The following LGI1 variants were observed in gnomAD, a reference collection of about 807,000 sequenced individuals.
LGI1 encodes leucine-rich glioma-inactivated protein 1.
In LGI1, 11 loss-of-function variants were observed where a neutral mutation model predicts 57.7. The ratio of observed to expected loss-of-function variants is 0.19; its 90% CI spans 0.12 to 0.32. The LOEUF (loss-of-function observed/expected upper bound fraction) is 0.32, where lower values mean the gene tolerates loss of function less well. Among genes scored for constraint, LGI1 ranks in the 10% least tolerant of loss-of-function variants. The pLI is 1.00. For synonymous variants in LGI1, 222 were observed against 241.9 expected (o/e 0.92, Z 0.76); for missense variants, 422 against 661.9 (o/e 0.64, Z 3.98).
At chr10:93,772,350 T>C (rs2059749635) in intron 2 of LGI1, among the ~76,000 whole-genome samples, 1 of 152,140 alleles carries the variant, frequency 6.6e-6, no homozygotes, top group South Asian at 2.1e-4. Flanking sequence ...AATCTAATAA[T>C]GGTACTTTTA....
chr10:93,762,292 G>A (rs1226575250), intron 2 of LGI1, among the ~76,000 whole-genome samples: 2 of 152,096 alleles, frequency 1.3e-5, no homozygotes, highest in Non-Finnish European at 1.5e-5. Context: ...GGGGAATAGC[G>A]TTATTTTAAA....
At position 93,758,126 on chromosome 10, in the gene LGI1, G is replaced by C; in HGVS notation, c.-19G>C. On this transcript the variant is annotated 5_prime_UTR_variant, in exon 1 of 8. Transcript: ENST00000371418. This position sits in a 1 kb window ranked among gnomAD's most constrained non-coding sequence, Gnocchi z 4.7. ...ATTCCAGAAGCCCTGTTCATGGTTG[G>C]GGATATTTTCTCGACTGCATGGAAT... 6.2e-7 allele frequency: 1 copy of C among 1,609,558 alleles called. No homozygotes were observed. Among genetic ancestry groups the C allele is most frequent in the Non-Finnish European group, 8.5e-7 (1 of 1,175,970 alleles).
rs562887957 is a variant in LGI1, at chr10:93,789,763, A to G, written c.432-336A>G. ...GTGGCGGGCACATGTAATCCCAGCTACGGCAGGCTAAGGCAGGAAAATCAC... is the reference window on the plus strand; with the variant it reads ...GTGGCGGGCACATGTAATCCCAGCTGCGGCAGGCTAAGGCAGGAAAATCAC... On this transcript the variant is annotated intron_variant, in intron 4 of 7. Coordinates refer to ENST00000371418, the MANE Select transcript of LGI1 (RefSeq NM_005097.4). The G allele has an allele frequency of 4.5e-4, 110 of 244,072 alleles. 1 individual carries two copies. In the South Asian group the frequency reaches 7.8e-3, roughly 17 times the overall value. The allele number at this position is 244,072 out of a possible 1,614,324, so 15.1% of individuals were successfully genotyped here.
intron 7 of LGI1, among the ~76,000 whole-genome samples, chr10:93,793,660 G>T (rs2059954547): frequency 6.6e-6 from 1 of 152,140 alleles, no homozygotes; most frequent in Admixed American, 6.5e-5. Context: ...AGTATTGGAT[G>T]GTGAATCATG....
intron 2 of LGI1, chr10:93,762,795 A>G (rs1056944408): frequency 6.6e-6 from 1 of 152,174 alleles, no homozygotes; most frequent in African/African-American, 2.4e-5. Flanking sequence ...ATTTTATTTT[A>G]GATTCGAGGG....
chr10:93,758,575 A>T lies in LGI1; in HGVS notation c.216-185A>T. ...GATACCCCCAGCCCTGAACATTATC[A>T]TGAGAAACCTGTAGCCGATTCATTT... On this transcript the variant is annotated intron_variant, in intron 1 of 7. Coordinates refer to ENST00000371418, the MANE Select transcript of LGI1 (RefSeq NM_005097.4). This position sits in a 1 kb window ranked among gnomAD's most constrained non-coding sequence, Gnocchi z 4.7. The T allele has an allele frequency of 1.5e-6, 1 of 689,560 alleles. No individual in the cohort carries two copies. Among genetic ancestry groups the T allele is most frequent in the Non-Finnish European group, 2.5e-6 (1 of 400,324 alleles). 42.7% of individuals were successfully genotyped at this position (689,560 alleles called of 1,614,324 possible). A position where few individuals can be genotyped will look rare whatever the true frequency, so the allele number is the denominator to read the frequency against.
At chr10:93,777,646 A>C (rs756074957) in intron 4 of LGI1, 29 bp downstream of exon 4, 2 of 1,557,294 alleles carry the variant, frequency 1.3e-6, no homozygotes, top group Non-Finnish European at 1.8e-6. Flanking sequence ...ATTACTTTTT[A>C]AGCTTGCTAA....
chr10:93,782,576 G>A (rs1273553610), intron 4 of LGI1, among the ~76,000 whole-genome samples: 1 of 152,026 alleles, frequency 6.6e-6, no homozygotes, highest in African/African-American at 2.4e-5. Flanking sequence ...TAACTACAAA[G>A]TGCTCAGAAC....
At chr10:93,759,379 A>G (rs2059599961) in intron 2 of LGI1, 1 of 165,980 alleles carries the variant, frequency 6.0e-6, no homozygotes, top group African/African-American at 2.4e-5. Context: ...GGGAAAGAAA[A>G]TATTAATATA....
At chr10:93,790,310 A>G in intron 5 of LGI1, 140 bp downstream of exon 5, 1 of 743,704 alleles carries the variant, frequency 1.3e-6, no homozygotes, top group Non-Finnish European at 2.1e-6. Flanking sequence ...ACTGGCCAAA[A>G]ATTTAAATTT....
chr10:93,783,574 T>A (rs1485283791), intron 4 of LGI1, among the ~76,000 whole-genome samples: 1 of 152,110 alleles, frequency 6.6e-6, no homozygotes, highest in East Asian at 1.9e-4. Context: ...GGGACTGCAC[T>A]AGTCACTCAC....
chr10:93,785,265 CA>C (rs1001689392), intron 4 of LGI1, among the ~76,000 whole-genome samples: 3 of 151,992 alleles, frequency 2.0e-5, no homozygotes, highest in African/African-American at 7.2e-5. Context: ...ACAATAACAA[CA>C]AAGAAAAAGA....
intron 2 of LGI1, among the ~76,000 whole-genome samples, chr10:93,773,723 G>T (rs1178589941): frequency 6.6e-6 from 1 of 152,090 alleles, no homozygotes; most frequent in Non-Finnish European, 1.5e-5. Flanking sequence ...TTTGGGGAGG[G>T]TGTAGACAGA....
chr10:93,795,586 G>T (rs2059973568), intron 7 of LGI1, among the ~76,000 whole-genome samples: 1 of 152,112 alleles, frequency 6.6e-6, no homozygotes, highest in African/African-American at 2.4e-5. Flanking sequence ...AACCATAGCA[G>T]ATGACAAATA....
At chr10:93,777,758 T>C in intron 4 of LGI1, 141 bp downstream of exon 4, 1 of 675,372 alleles carries the variant, frequency 1.5e-6, no homozygotes, top group Non-Finnish European at 2.7e-6. Flanking sequence ...ACACTTGCCA[T>C]CTTTCCCTGT....
chr10:93,759,393 T>G (rs2059600072), intron 2 of LGI1: 1 of 162,760 alleles, frequency 6.1e-6, no homozygotes. Flanking sequence ...TAATATAGGA[T>G]AGTGCAAAGG....
Position 93,797,890 on chromosome 10 carries a change from C to T in LGI1, c.*87C>T, listed in dbSNP as rs988391050. On this transcript the variant is annotated 3_prime_UTR_variant, in exon 8 of 8. Coordinates refer to ENST00000371418, the MANE Select transcript of LGI1 (RefSeq NM_005097.4). This position sits in a 1 kb window ranked among gnomAD's most constrained non-coding sequence, Gnocchi z 6.5. The stretch of plus-strand genomic sequence containing the variant: ...ATGCATGATGACTCTTCTTATCACA[C>T]TTGCAAATGAATGCCTTTCAAACAT... 13 of 919,098 alleles carry T rather than the reference C, an allele frequency of 1.4e-5. No individual in the cohort carries two copies. The African/African-American group carries it at 2.1e-4, about 15-fold the overall frequency. The allele number at this position is 919,098 out of a possible 1,614,324, so 56.9% of individuals were successfully genotyped here. A position where few individuals can be genotyped will look rare whatever the true frequency, so the allele number is the denominator to read the frequency against.
chr10:93,779,795 T>C (rs545858148), intron 4 of LGI1, among the ~76,000 whole-genome samples: 2 of 152,230 alleles, frequency 1.3e-5, no homozygotes, highest in African/African-American at 4.8e-5. Context: ...GAGGCATGAC[T>C]CTTAACAGGC....
At chr10:93,776,606 A>G (rs1440511592) in intron 2 of LGI1, among the ~76,000 whole-genome samples, 1 of 152,184 alleles carries the variant, frequency 6.6e-6, no homozygotes, top group Non-Finnish European at 1.5e-5. Context: ...TTATTACATT[A>G]TGACATAATA....
Sources: allele counts gnomAD v4.1 joint callset (sites outside exome capture counted in the v4.1 genomes callset), GRCh38; gene constraint gnomAD v4.1.1; non-coding constraint Gnocchi (gnomAD v3.1); transcripts MANE v1.5; gene names NCBI Gene and HGNC (gene_info 2026-07-23, HGNC 2026-07-21).